SYT16: variants seen among roughly 807,000 people sequenced by gnomAD.
SYT16 encodes the protein synaptotagmin 16.
Under a neutral mutation model 61.4 loss-of-function variants are expected in SYT16, and 42 were observed. The ratio of observed to expected loss-of-function variants is 0.68; its 90% confidence interval spans 0.53 to 0.89. The LOEUF (loss-of-function observed/expected upper bound fraction) is 0.89. SYT16 is among the 40% of genes least tolerant of loss of function. The pLI, the probability that SYT16 is intolerant of heterozygous loss-of-function variation, is 0.00. For synonymous variants in SYT16, 314 were observed against 302.3 expected (o/e 1.04, Z -0.40); for missense variants, 804 against 807.3 (o/e 1.00, Z 0.05).
chr14:62,027,398 T>C (rs544902636), intron 3 of SYT16, among the ~76,000 whole-genome samples: 1 of 152,184 alleles, frequency 6.6e-6, no homozygotes, highest in Non-Finnish European at 1.5e-5. Flanking sequence ...CCTCAGTTTC[T>C]GGTTGGTAGC....
intron 1 of SYT16, among the ~76,000 whole-genome samples, chr14:61,870,505 A>G (rs1285356419): frequency 1.3e-5 from 2 of 151,910 alleles, no homozygotes. Flanking sequence ...ATGTAGGTTT[A>G]TAATTTTCTT....
At chr14:61,991,950 G>GTTCATTCATTCATTCA (rs75057544) in intron 2 of SYT16, among the ~76,000 whole-genome samples, 7 of 149,160 alleles carry the variant, frequency 4.7e-5, no homozygotes, top group African/African-American at 1.2e-4. Flanking sequence ...AACTTTGTTC[G>GTTCATTCATTCATTCA]TTCATTCATT....
At chr14:61,971,779 G>T (rs2051569052) in intron 2 of SYT16, among the ~76,000 whole-genome samples, 1 of 152,186 alleles carries the variant, frequency 6.6e-6, no homozygotes, top group South Asian at 2.1e-4. Flanking sequence ...CTATCGCAGT[G>T]GCCTTATTTT....
intron 7 of SYT16, among the ~76,000 whole-genome samples, chr14:62,087,482 G>A (rs1039501353): frequency 5.9e-5 from 9 of 152,212 alleles, no homozygotes; most frequent in African/African-American, 1.7e-4. Flanking sequence ...CATGCCCGAC[G>A]GGGCGGTCAT....
chr14:61,887,488 T>C (rs536236273), intron 1 of SYT16, among the ~76,000 whole-genome samples: 2 of 152,342 alleles, frequency 1.3e-5, no homozygotes, highest in African/African-American at 4.8e-5. Context: ...TCTCTAGCCA[T>C]GAAAGTCCTA....
chr14:62,001,242 T>C (rs908765289), intron 3 of SYT16, among the ~76,000 whole-genome samples: 1 of 152,150 alleles, frequency 6.6e-6, no homozygotes, highest in African/African-American at 2.4e-5. Context: ...ATTACCTTCA[T>C]TTATTCAATT....
chr14:61,888,460 T>G (rs916251712), intron 1 of SYT16, among the ~76,000 whole-genome samples: 2 of 152,114 alleles, frequency 1.3e-5, no homozygotes, highest in Admixed American at 1.3e-4. Context: ...AGGGAATAAC[T>G]AAGTCCAAGA....
intron 3 of SYT16, among the ~76,000 whole-genome samples, chr14:62,032,372 A>G (rs2054339843): frequency 1.3e-5 from 2 of 152,126 alleles, no homozygotes; most frequent in African/African-American, 2.4e-5. Context: ...TTAGAATAGT[A>G]TACCATCCTA....
chr14:61,833,706 CTTTT>C (rs11357318), intron 1 of SYT16, among the ~76,000 whole-genome samples: 3 of 48,358 alleles, frequency 6.2e-5, no homozygotes, highest in African/African-American at 1.8e-4. Flanking sequence ...CCAGCAGTGG[CTTTT>C]TTTTTTTTTT....
intron 3 of SYT16, among the ~76,000 whole-genome samples, chr14:62,050,467 C>G (rs532864590): frequency 4.2e-4 from 64 of 152,338 alleles, no homozygotes; most frequent in African/African-American, 1.5e-3. Context: ...CTTCTTCTCT[C>G]AACTCGTCAA....
At position 61,995,905 on chromosome 14, in the gene SYT16, G is replaced by A; in HGVS notation, c.-115G>A. 1.1e-5 allele frequency: 11 copies of A among 1,039,096 alleles called. No homozygotes were observed. Among genetic ancestry groups the A allele is most frequent in the Non-Finnish European group, 1.2e-5 (9 of 732,134 alleles). The allele number at this position is 1,039,096 out of a possible 1,614,324, so 64.4% of individuals were successfully genotyped here. ...AAGTTTTGAGAGTGAAATATTCACA[G>A]CCATTAAGAGACCTCCAAATTAATT... On this transcript the variant is annotated 5_prime_UTR_variant, in exon 3 of 8. Transcript: ENST00000683842.
At chr14:62,093,422 T>A (rs1205469689) in intron 7 of SYT16, among the ~76,000 whole-genome samples, 3 of 151,998 alleles carry the variant, frequency 2.0e-5, no homozygotes, top group African/African-American at 7.2e-5. Flanking sequence ...AATTGCTATG[T>A]AAAAGATAGA....
intron 3 of SYT16, among the ~76,000 whole-genome samples, chr14:62,023,570 C>A (rs944920630): frequency 6.6e-6 from 1 of 152,066 alleles, no homozygotes; most frequent in African/African-American, 2.4e-5. Flanking sequence ...TCTCTAGTTC[C>A]CCATGGTGGA....
intron 5 of SYT16, among the ~76,000 whole-genome samples, chr14:62,078,138 G>GCTCTCT (rs749939385): frequency 7.5e-5 from 10 of 133,708 alleles, no homozygotes; most frequent in East Asian, 4.2e-4. Context: ...GTGCTCTCTC[G>GCTCTCT]CTCTCTCTCT....
chr14:61,919,159 G>A (rs1448940464), intron 1 of SYT16, among the ~76,000 whole-genome samples: 2 of 152,148 alleles, frequency 1.3e-5, no homozygotes, highest in African/African-American at 4.8e-5. Flanking sequence ...ATAAAAATGT[G>A]ATAGAAATAC....
At position 61,879,437 on chromosome 14, in the gene SYT16, T is replaced by C. The variant is rs118140645; in HGVS notation, c.-325+66627T>C. On this transcript the variant is annotated intron_variant, in intron 1 of 7. Transcript: ENST00000683842. The stretch of plus-strand genomic sequence containing the variant: ...CAATAAACATTCTCTCTTAGCACTT[T>C]TGACAAGCAATTCACCTCTCTGGAC... 8.7e-3 allele frequency among the ~76,000 whole-genome samples: 1,325 copies of C among 152,292 alleles called. 11 individuals are homozygous for C. The highest frequency in any genetic ancestry group is 0.013 in the Non-Finnish European group (901 of 68,002).
chr14:62,018,725 G>A (rs947631034), intron 3 of SYT16, among the ~76,000 whole-genome samples: 1 of 152,106 alleles, frequency 6.6e-6, no homozygotes, highest in Non-Finnish European at 1.5e-5. Flanking sequence ...TTGGGTCTTT[G>A]CTCCAATGTG....
intron 1 of SYT16, among the ~76,000 whole-genome samples, chr14:61,962,659 T>A (rs958196781): frequency 1.3e-5 from 2 of 152,118 alleles, no homozygotes; most frequent in African/African-American, 4.8e-5. Context: ...CACCTGAGAG[T>A]GTCTCATGAG....
At chr14:61,891,717 G>C (rs918698653) in intron 1 of SYT16, among the ~76,000 whole-genome samples, 2 of 152,204 alleles carry the variant, frequency 1.3e-5, no homozygotes, top group Non-Finnish European at 2.9e-5. Context: ...AAATATAATA[G>C]TGTATAACCT....
Sources: gnomAD v4.1 joint callset for allele counts (sites outside exome capture counted in the v4.1 genomes callset) on GRCh38, gnomAD v4.1.1 for gene constraint, MANE v1.5 for transcripts, NCBI Gene and HGNC (gene_info 2026-07-23, HGNC 2026-07-21) for gene names.